Variants in NEO1 observed in about 807,000 individuals in gnomAD.
NEO1 encodes the protein neogenin.
Under a neutral mutation model 159.7 loss-of-function variants are expected in NEO1, and 63 were observed. The observed-to-expected ratio is 0.39, with a 90% confidence interval of 0.32 to 0.49. The LOEUF (loss-of-function observed/expected upper bound fraction) is 0.49. Ranked by LOEUF, NEO1 falls within the 20% of genes least tolerant of loss-of-function variation. The pLI is 0.85. For synonymous variants in NEO1, 633 were observed against 662.0 expected (o/e 0.96, Z 0.67); for missense variants, 1,615 against 1,831.0 (o/e 0.88, Z 2.15).
At chr15:73,212,015 G>A (rs1259720129) in intron 7 of NEO1, among the ~76,000 whole-genome samples, 20 of 152,218 alleles carry the variant, frequency 1.3e-4, no homozygotes. Flanking sequence ...GAATACCACA[G>A]AAGTGATGTA....
At chr15:73,184,284 T>G (rs920881325) in intron 7 of NEO1, among the ~76,000 whole-genome samples, 7 of 152,092 alleles carry the variant, frequency 4.6e-5, no homozygotes, top group African/African-American at 1.7e-4. Flanking sequence ...GCCTCCCGAG[T>G]AGCTGGGATT....
chr15:73,124,302 A>G (rs767579289), intron 3 of NEO1, among the ~76,000 whole-genome samples: 10 of 151,982 alleles, frequency 6.6e-5, no homozygotes, highest in Non-Finnish European at 1.3e-4. Context: ...GGCTCAAGTG[A>G]TTCTCCTACC....
At chr15:73,066,035 C>CTTTTTT (rs11400510) in intron 1 of NEO1, among the ~76,000 whole-genome samples, 1 of 139,764 alleles carries the variant, frequency 7.2e-6, no homozygotes, top group Non-Finnish European at 1.6e-5. Context: ...TCTTTCTTTT[C>CTTTTTT]TTTTTTTTTT....
intron 5 of NEO1, among the ~76,000 whole-genome samples, chr15:73,163,637 A>G (rs1275117099): frequency 6.6e-6 from 1 of 152,192 alleles, no homozygotes; most frequent in African/African-American, 2.4e-5. Flanking sequence ...TGTACCTGCA[A>G]ACCACCTGGA....
At chr15:73,200,985 C>CT (rs1336743769) in intron 7 of NEO1, among the ~76,000 whole-genome samples, 3 of 152,000 alleles carry the variant, frequency 2.0e-5, no homozygotes, top group African/African-American at 7.2e-5. Flanking sequence ...CCTGGCCTTC[C>CT]TTTATCCTTT....
chr15:73,055,677 ACT>A (rs1349402198), intron 1 of NEO1, among the ~76,000 whole-genome samples: 1 of 151,970 alleles, frequency 6.6e-6, no homozygotes, highest in African/African-American at 2.4e-5. Flanking sequence ...CCGAAGTTAA[ACT>A]CTGTGTCATT....
intron 1 of NEO1, among the ~76,000 whole-genome samples, chr15:73,067,661 G>T (rs892804291): frequency 6.7e-6 from 1 of 148,972 alleles, no homozygotes; most frequent in African/African-American, 2.5e-5. Flanking sequence ...CTGTCCCCCA[G>T]GCTGGAGTGC....
chr15:73,286,112 TAC>T (rs1567697884), intron 23 of NEO1, among the ~76,000 whole-genome samples: 1 of 127,054 alleles, frequency 7.9e-6, no homozygotes, highest in Non-Finnish European at 1.6e-5. Context: ...ACCGGCTGCT[TAC>T]TAACCTTTCT....
intron 2 of NEO1, among the ~76,000 whole-genome samples, chr15:73,119,771 T>A (rs961407276): frequency 2.0e-5 from 3 of 152,210 alleles, no homozygotes; most frequent in African/African-American, 7.2e-5. Context: ...CTCCATATGT[T>A]TTTGTGAGCT....
At chr15:73,223,590 A>G (rs144801298) in intron 7 of NEO1, among the ~76,000 whole-genome samples, 2,609 of 152,244 alleles carry the variant, frequency 0.017, 30 homozygotes, top group Middle Eastern at 0.044. Flanking sequence ...TGTCTGATAT[A>G]AGAATAGCTA....
intron 5 of NEO1, among the ~76,000 whole-genome samples, chr15:73,136,769 C>T (rs1012194681): frequency 3.3e-5 from 5 of 152,104 alleles, no homozygotes; most frequent in African/African-American, 4.8e-5. Flanking sequence ...CTGTGCCATT[C>T]CTCCATATGG....
chr15:73,211,731 A>C (rs1307776287), intron 7 of NEO1, among the ~76,000 whole-genome samples: 1 of 151,328 alleles, frequency 6.6e-6, no homozygotes, highest in Non-Finnish European at 1.5e-5. Context: ...AAAGACAATA[A>C]AAGTAGGTGG....
chr15:73,288,465 C>G lies in NEO1; in HGVS notation c.3563C>G (p.Thr1188Ser). Residue 1188 changes from threonine (T) to serine (S), a missense_variant, in exon 24 of 29, where the codon ACT (threonine) becomes AGT (serine). Coordinates refer to ENST00000261908, the MANE Select transcript of NEO1 (RefSeq NM_002499.4). ...GACCCAAACCCCATCATGACTGATA[C>G]TCCAATTCCTCGCAACTCTCAAGAT... ...SPDPNPIMTD[T>S]PIPRNSQDIT... The G allele has an allele frequency of 6.2e-7, 1 of 1,614,152 alleles. No individual in the cohort carries two copies. Among genetic ancestry groups the G allele is most frequent in the South Asian group, 1.1e-5 (1 of 91,084 alleles).
At chr15:73,122,092 T>TAC (rs2071694988) in intron 2 of NEO1, among the ~76,000 whole-genome samples, 6 of 102,994 alleles carry the variant, frequency 5.8e-5, no homozygotes, top group African/African-American at 2.2e-4. Flanking sequence ...TATATATATA[T>TAC]ATACACATTA....
intron 22 of NEO1, among the ~76,000 whole-genome samples, chr15:73,280,425 A>G (rs1221698352): frequency 6.6e-6 from 1 of 152,204 alleles, no homozygotes; most frequent in African/African-American, 2.4e-5. Flanking sequence ...GCTCATTCGC[A>G]AGAGGTCAGA....
chr15:73,284,312 T>C (rs10438294), intron 23 of NEO1, among the ~76,000 whole-genome samples: 59,184 of 152,132 alleles, frequency 0.39, 13,540 homozygotes, highest in Non-Finnish European at 0.51. Flanking sequence ...TGATTATCCA[T>C]GCAGACTTGA....
intron 1 of NEO1, among the ~76,000 whole-genome samples, chr15:73,055,073 T>A (rs1465820385): frequency 6.6e-6 from 1 of 152,020 alleles, no homozygotes; most frequent in East Asian, 1.9e-4. Context: ...GAGGAAAAAG[T>A]AAGAAGTAAA....
At chr15:73,301,288 G>A (rs756255631) in intron 27 of NEO1, 33 bp from the exon 28 acceptor site, 1 of 1,613,572 alleles carries the variant, frequency 6.2e-7, no homozygotes, top group South Asian at 1.1e-5. Context: ...AGGCAGGCTT[G>A]GCCACATATC....
chr15:73,108,582 C>T lies in NEO1; in HGVS notation c.131-7958C>T, dbSNP rs992029959. The stretch of plus-strand genomic sequence containing the variant: ...CAAACAAAAACCAAGGTGCAAATAG[C>T]CATGGCAAGACGGGTCATTTTAATA... On this transcript the variant is annotated intron_variant, in intron 1 of 28. Coordinates refer to ENST00000261908, the MANE Select transcript of NEO1 (RefSeq NM_002499.4). Among the ~76,000 whole-genome samples the T allele has an allele frequency of 9.2e-5, 10 of 108,328 alleles. No individual in the cohort carries two copies. The South Asian group carries it at 1.3e-3, about 14-fold the overall frequency. 71.1% of individuals were successfully genotyped at this position (108,328 alleles called of 152,430 possible).
Sources: gnomAD v4.1 joint callset for allele counts (sites outside exome capture counted in the v4.1 genomes callset) on GRCh38, gnomAD v4.1.1 for gene constraint, MANE v1.5 for transcripts, NCBI Gene and HGNC (gene_info 2026-07-23, HGNC 2026-07-21) for gene names.